METTL15: variants seen among roughly 807,000 people sequenced by gnomAD.
The protein encoded by METTL15 is methyltransferase 15, mitochondrial 12S rRNA N4-cytidine.
A neutral mutation model predicts 38.3 loss-of-function variants in METTL15; 34 were observed. That is an observed-to-expected ratio of 0.89 (90% CI 0.68 to 1.18). The LOEUF (loss-of-function observed/expected upper bound fraction) is 1.18, where lower values mean the gene tolerates loss of function less well. METTL15 is among the 50% of genes most tolerant of loss of function. The probability of loss-of-function intolerance (pLI) is 0.00; values close to 1 mark genes in which losing one functional copy is unlikely to be tolerated. For missense variants in METTL15, 438 were observed against 498.4 expected (o/e 0.88, Z 1.15); for synonymous variants, 162 against 170.9 (o/e 0.95, Z 0.41).
chr11:28,406,674 A>G (rs755282976), intron 5 of METTL15, among the ~76,000 whole-genome samples: 1 of 152,082 alleles, frequency 6.6e-6, no homozygotes, highest in African/African-American at 2.4e-5. Context: ...AATATGCTTT[A>G]TTTCTTTCTC....
intron 6 of METTL15, among the ~76,000 whole-genome samples, chr11:28,485,171 G>A (rs1298581915): frequency 1.3e-5 from 2 of 151,720 alleles, no homozygotes; most frequent in Non-Finnish European, 2.9e-5. Flanking sequence ...GCTGGCATGG[G>A]CATTCTTGTT....
chr11:28,202,150 A>G (rs1177341370), intron 3 of METTL15, among the ~76,000 whole-genome samples: 1 of 151,940 alleles, frequency 6.6e-6, no homozygotes, highest in African/African-American at 2.4e-5. Context: ...GATTAGAGGA[A>G]TTGGTATCAA....
intron 5 of METTL15, among the ~76,000 whole-genome samples, chr11:28,369,117 A>G (rs1361347937): frequency 1.3e-5 from 2 of 152,100 alleles, no homozygotes; most frequent in Non-Finnish European, 2.9e-5. Context: ...AAAACAGCAC[A>G]TTCTGCACAT....
chr11:28,124,975 A>G (rs961659122), intron 3 of METTL15, among the ~76,000 whole-genome samples: 2 of 152,152 alleles, frequency 1.3e-5, no homozygotes, highest in African/African-American at 4.8e-5. Context: ...CCAATTTAAA[A>G]TTACCGAAAT....
At chr11:28,280,306 T>G (rs912105895) in intron 4 of METTL15, among the ~76,000 whole-genome samples, 1 of 152,218 alleles carries the variant, frequency 6.6e-6, no homozygotes, top group Non-Finnish European at 1.5e-5. Context: ...TATCTGCCTT[T>G]AATTTTTGAT....
intron 6 of METTL15, among the ~76,000 whole-genome samples, chr11:28,453,635 G>T (rs1293735508): frequency 6.6e-6 from 1 of 152,174 alleles, no homozygotes; most frequent in African/African-American, 2.4e-5. Context: ...TCTGATAGTT[G>T]ACATCACTTC....
Position 28,472,583 on chromosome 11 carries a change from G to A in METTL15, c.*424+48219G>A, listed in dbSNP as rs115148956. On this transcript the variant is annotated intron_variant and NMD_transcript_variant, in intron 6 of 7. Coordinates refer to the METTL15 transcript ENST00000532947. ...TAAGAACAAGAATAAAAGAATATGT[G>A]GATTGGACTTTATATCAATCTGTAT... Among the ~76,000 whole-genome samples the A allele has an allele frequency of 3.5e-3, 527 of 152,090 alleles. 6 individuals are homozygous for A. Among genetic ancestry groups the A allele is most frequent in the African/African-American group, 0.012 (494 of 41,476 alleles).
At chr11:28,265,365 G>T (rs1447513827) in intron 4 of METTL15, among the ~76,000 whole-genome samples, 4 of 151,676 alleles carry the variant, frequency 2.6e-5, no homozygotes, top group Non-Finnish European at 4.4e-5. Context: ...GAAAGTAGAT[G>T]CTCACTGGCA....
At chr11:28,167,996 A>G (rs1335968525) in intron 3 of METTL15, among the ~76,000 whole-genome samples, 2 of 152,114 alleles carry the variant, frequency 1.3e-5, no homozygotes, top group Non-Finnish European at 2.9e-5. Flanking sequence ...TTTTAGAATT[A>G]AAATTAGAAG....
At chr11:28,439,035 G>A (rs79991333) in intron 6 of METTL15, among the ~76,000 whole-genome samples, 2 of 139,870 alleles carry the variant, frequency 1.4e-5, no homozygotes, top group Non-Finnish European at 3.2e-5. Flanking sequence ...AAAAAAAAAA[G>A]TGCTGTAAGT....
chr11:28,194,050 T>C (rs1449325677), intron 3 of METTL15, among the ~76,000 whole-genome samples: 1 of 152,068 alleles, frequency 6.6e-6, no homozygotes, highest in Non-Finnish European at 1.5e-5. Flanking sequence ...TCTCCCAGTC[T>C]CCAAAATAGC....
At chr11:28,521,970 G>A (rs1851768719) in intron 6 of METTL15, among the ~76,000 whole-genome samples, 1 of 152,102 alleles carries the variant, frequency 6.6e-6, no homozygotes, top group Non-Finnish European at 1.5e-5. Context: ...TTGCCTTAAT[G>A]TTTCCAATTT....
intron 6 of METTL15, among the ~76,000 whole-genome samples, chr11:28,323,411 G>A (rs1849534885): frequency 6.6e-6 from 1 of 152,102 alleles, no homozygotes; most frequent in African/African-American, 2.4e-5. Flanking sequence ...TTAAACCAAG[G>A]TAAGGGGACT....
chr11:28,250,918 T>C (rs568715867), intron 4 of METTL15, among the ~76,000 whole-genome samples: 1 of 151,996 alleles, frequency 6.6e-6, no homozygotes, highest in Non-Finnish European at 1.5e-5. Context: ...GCATTATTTG[T>C]GGCTGGGGGT....
chr11:28,414,391 A>G (rs754109180), intron 5 of METTL15, among the ~76,000 whole-genome samples: 4 of 152,092 alleles, frequency 2.6e-5, no homozygotes. Context: ...TTAAAACTCA[A>G]TTAGAAGACA....
At chr11:28,187,995 A>G (rs1464144020) in intron 3 of METTL15, among the ~76,000 whole-genome samples, 1 of 151,320 alleles carries the variant, frequency 6.6e-6, no homozygotes, top group East Asian at 1.9e-4. Flanking sequence ...TCTTTTGGAC[A>G]TGTTTCACCA....
intron 4 of METTL15, among the ~76,000 whole-genome samples, chr11:28,222,063 A>G (rs1853255403): frequency 6.6e-6 from 1 of 152,172 alleles, no homozygotes; most frequent in African/African-American, 2.4e-5. Context: ...TGGGAGAACC[A>G]CTACTGTCTT....
intron 3 of METTL15, among the ~76,000 whole-genome samples, chr11:28,137,513 A>G (rs1016837429): frequency 2.0e-5 from 3 of 152,226 alleles, no homozygotes; most frequent in Non-Finnish European, 4.4e-5. Context: ...CTAGGTGCAG[A>G]TAAAGTCTGA....
At chr11:28,138,748 G>A (rs528036526) in intron 3 of METTL15, among the ~76,000 whole-genome samples, 5 of 152,304 alleles carry the variant, frequency 3.3e-5, no homozygotes, top group Non-Finnish European at 5.9e-5. Flanking sequence ...GTACTGCCAC[G>A]TGGTTACAAG....
Sources: allele counts gnomAD v4.1 joint callset (sites outside exome capture counted in the v4.1 genomes callset), GRCh38; gene constraint gnomAD v4.1.1; transcripts MANE v1.5; gene names NCBI Gene and HGNC (gene_info 2026-07-23, HGNC 2026-07-21).